The following OSGEPL1 variants were observed in gnomAD, a reference collection of about 807,000 sequenced individuals.
OSGEPL1 encodes the protein tRNA N6-adenosine threonylcarbamoyltransferase, mitochondrial.
Under a neutral mutation model 37.2 loss-of-function variants are expected in OSGEPL1, and 26 were observed. The observed-to-expected ratio is 0.70, with a 90% confidence interval of 0.51 to 0.97. The LOEUF (loss-of-function observed/expected upper bound fraction) is 0.97, where lower values mean the gene tolerates loss of function less well. Among genes scored for constraint, OSGEPL1 ranks in the 50% least tolerant of loss-of-function variants. The probability of loss-of-function intolerance (pLI) is 0.00; values close to 1 mark genes in which losing one functional copy is unlikely to be tolerated. For synonymous variants in OSGEPL1, 140 were observed against 159.9 expected (o/e 0.88, Z 0.94); for missense variants, 404 against 487.0 (o/e 0.83, Z 1.60).
At chr2:189,760,081 T>C (rs549608487) in intron 2 of OSGEPL1, among the ~76,000 whole-genome samples, 42 of 152,322 alleles carry the variant, frequency 2.8e-4, no homozygotes, top group Middle Eastern at 6.8e-3. Flanking sequence ...GGGGGTAAGG[T>C]TATAGATCAA....
intron 2 of OSGEPL1, among the ~76,000 whole-genome samples, chr2:189,759,657 T>G (rs2046680646): frequency 6.6e-6 from 1 of 152,232 alleles, no homozygotes; most frequent in African/African-American, 2.4e-5. Context: ...AATACAGGAC[T>G]GTGATTCCAA....
At chr2:189,751,909 G>A (rs2045322735) in intron 7 of OSGEPL1, among the ~76,000 whole-genome samples, 1 of 151,510 alleles carries the variant, frequency 6.6e-6, no homozygotes, top group Non-Finnish European at 1.5e-5. Context: ...ATTTTGGGAG[G>A]CCGAGGTGGG....
Position 189,755,169 on chromosome 2 carries a change from T to G in OSGEPL1, c.609+4A>C. The G allele has an allele frequency of 6.3e-7, 1 of 1,595,496 alleles. No homozygotes were observed. The highest frequency in any genetic ancestry group is 8.5e-7 in the Non-Finnish European group (1 of 1,175,690). On this transcript the variant is annotated splice_donor_region_variant and intron_variant, in intron 3 of 8. Coordinates refer to ENST00000264151, the MANE Select transcript of OSGEPL1 (RefSeq NM_022353.3). ...AAAGAATGGAGAAATTAATTCTTAA[T>G]TACCTTGTCAAGCATGTCACCTGGT...
intron 7 of OSGEPL1, 99 bp from the exon 8 acceptor site, chr2:189,750,755 A>G: frequency 8.7e-6 from 7 of 808,116 alleles, no homozygotes; most frequent in African/African-American, 1.8e-5. Flanking sequence ...ATAAATATCA[A>G]ATATTTAATT....
chr2:189,750,521 T>C, intron 8 of OSGEPL1, 29 bp downstream of exon 8: 1 of 883,588 alleles, frequency 1.1e-6, no homozygotes, highest in Non-Finnish European at 1.8e-6. Context: ...CACAAAACAA[T>C]AAAAACTTAA....
intron 8 of OSGEPL1, among the ~76,000 whole-genome samples, chr2:189,748,539 A>C (rs2044533802): frequency 6.6e-6 from 1 of 152,236 alleles, no homozygotes; most frequent in South Asian, 2.1e-4. Context: ...CTAAAAAATA[A>C]GAGACCTCTT....
Position 189,762,695 on chromosome 2 carries a change from G to A in OSGEPL1, c.-31C>T. On this transcript the variant is annotated 5_prime_UTR_variant, in exon 1 of 9. Transcript: ENST00000264151. ...AGCAATTTCACCCACCTTCCACTTGGGCGGCAGTAGCTAGCACTTGTCTCC... is the reference window on the plus strand; with the variant it reads ...AGCAATTTCACCCACCTTCCACTTGAGCGGCAGTAGCTAGCACTTGTCTCC... The A allele has an allele frequency of 2.0e-6, 2 of 985,296 alleles. No individual in the cohort carries two copies. The highest frequency in any genetic ancestry group is 2.4e-6 in the Non-Finnish European group (2 of 829,924). The allele number at this position is 985,296 out of a possible 1,614,324, so 61.0% of individuals were successfully genotyped here. A position where few individuals can be genotyped will look rare whatever the true frequency, so the allele number is the denominator to read the frequency against.
At chr2:189,760,429 C>G (rs1165270464) in intron 2 of OSGEPL1, among the ~76,000 whole-genome samples, 1 of 152,166 alleles carries the variant, frequency 6.6e-6, no homozygotes, top group South Asian at 2.1e-4. Flanking sequence ...GGGCGCCCCC[C>G]ACCTCCCAAG....
intron 3 of OSGEPL1, chr2:189,754,783 A>G (rs1047603516): frequency 2.0e-5 from 5 of 247,406 alleles, no homozygotes; most frequent in Non-Finnish European, 3.8e-5. Flanking sequence ...TCTGTGGTGT[A>G]AGTAATTGTG....
At position 189,752,839 on chromosome 2, in the gene OSGEPL1, T is replaced by C. The variant is rs1245665561; in HGVS notation, c.1094+10A>G. 2 of 1,613,516 alleles carry C rather than the reference T, an allele frequency of 1.2e-6. No homozygotes were observed. The highest frequency in any genetic ancestry group is 3.3e-5 in the Admixed American group (2 of 59,952). ...AGTTATGAGTGAAGCACGTATATCC[T>C]GTGGCTTACCATGCAATCATAATGC... On this transcript the variant is annotated intron_variant, in intron 6 of 8. Transcript: ENST00000264151.
intron 8 of OSGEPL1, among the ~76,000 whole-genome samples, chr2:189,748,061 A>G (rs2044434384): frequency 2.0e-5 from 3 of 152,300 alleles, no homozygotes; most frequent in South Asian, 2.1e-4. Flanking sequence ...GGGTCTTGCT[A>G]TAATCCATTC....
intron 2 of OSGEPL1, among the ~76,000 whole-genome samples, chr2:189,757,224 G>C (rs1391660451): frequency 6.6e-6 from 1 of 152,204 alleles, no homozygotes; most frequent in African/African-American, 2.4e-5. Context: ...TGAGAAGGGA[G>C]AGGAAAGTTG....
Position 189,755,257 on chromosome 2 carries a change from A to G in OSGEPL1, c.525T>C (p.Cys175=). The change falls in exon 3 of 9, where the codon TGT becomes TGC. Residue 175 remains cysteine (C), a synonymous_variant. Coordinates refer to ENST00000264151, the MANE Select transcript of OSGEPL1 (RefSeq NM_022353.3). The stretch of plus-strand genomic sequence containing the variant: ...AAACTCCTTGAACTAATGCCAACAG[A>G]CAGTGACCTCCAGAAATCAAAAGAA... ...FLVLLISGGH[C]LLALVQGVSD... is the part of the protein sequence containing the mutation. 3 of 1,613,660 alleles carry G rather than the reference A, an allele frequency of 1.9e-6. No homozygotes were observed. The East Asian group carries it at 6.7e-5, about 36-fold the overall frequency.
At position 189,755,350 on chromosome 2, in the gene OSGEPL1, G is replaced by C. The variant is rs1384847313; in HGVS notation, c.432C>G (p.Pro144=). ...LVGQLKKPFI[P]IHHMEAHALT... is the part of the protein sequence containing the mutation. ...GTGCATGAGCCTCCATATGATGAAT[G>C]GGAATGAATGGCTTTTTTAACTGTC... is the stretch of plus-strand genomic sequence containing the variant. Residue 144 remains proline (P), a synonymous_variant, in exon 3 of 9, where the codon CCC becomes CCG. Transcript: ENST00000264151. 6.2e-7 allele frequency: 1 copy of C among 1,613,460 alleles called. No individual in the cohort carries two copies. Among genetic ancestry groups the C allele is most frequent in the Admixed American group, 1.7e-5 (1 of 59,864 alleles).
chr2:189,753,694 A>G (rs1199754399), intron 5 of OSGEPL1, among the ~76,000 whole-genome samples: 1 of 152,204 alleles, frequency 6.6e-6, no homozygotes, highest in Non-Finnish European at 1.5e-5. Flanking sequence ...AGAAGATGCA[A>G]AATTAGACTT....
chr2:189,752,584 T>C, intron 7 of OSGEPL1, 69 bp downstream of exon 7: 1 of 1,526,958 alleles, frequency 6.5e-7, no homozygotes, highest in Non-Finnish European at 9.0e-7. Context: ...ACCTCATATA[T>C]AAAGGCAAAA....
intron 2 of OSGEPL1, 55 bp downstream of exon 2, chr2:189,761,365 G>T (rs1439805602): frequency 6.5e-7 from 1 of 1,540,822 alleles, no homozygotes; most frequent in Non-Finnish European, 8.7e-7. Flanking sequence ...AAATACAAAA[G>T]AATGATTTTA....
At position 189,754,308 on chromosome 2, in the gene OSGEPL1, C is replaced by T; in HGVS notation, c.647G>A (p.Cys216Tyr). ...GGCTTTCCCACCACTCATGGTGGAGCACTCTGGATGTTTTATTAAAGAAAG... is the reference window on the plus strand; with the variant it reads ...GGCTTTCCCACCACTCATGGTGGAGTACTCTGGATGTTTTATTAAAGAAAG... ...RRLSLIKHPE[C>Y]STMSGGKAIE... The change falls in exon 4 of 9, where the codon TGC (cysteine) becomes TAC (tyrosine). Residue 216 changes from cysteine (C) to tyrosine (Y), a missense_variant. Coordinates refer to ENST00000264151, the MANE Select transcript of OSGEPL1 (RefSeq NM_022353.3). 1 of 1,613,260 alleles carries T rather than the reference C, an allele frequency of 6.2e-7. No individual in the cohort carries two copies. The highest frequency in any genetic ancestry group is 8.5e-7 in the Non-Finnish European group (1 of 1,179,582).
intron 3 of OSGEPL1, 100 bp from the exon 4 acceptor site, chr2:189,754,445 C>A (rs541061401): frequency 1.8e-6 from 2 of 1,109,956 alleles, no homozygotes; most frequent in East Asian, 5.2e-5. Context: ...AACAAAAAAC[C>A]CCTGAATGAA....
Sources: allele counts gnomAD v4.1 joint callset (sites outside exome capture counted in the v4.1 genomes callset), GRCh38; gene constraint gnomAD v4.1.1; transcripts MANE v1.5; gene names NCBI Gene and HGNC (gene_info 2026-07-23, HGNC 2026-07-21).